Variants in PDCD11 observed in about 807,000 individuals in gnomAD.
The protein encoded by PDCD11 is protein RRP5 homolog.
Under a neutral mutation model 198.9 loss-of-function variants are expected in PDCD11, and 97 were observed. The observed-to-expected ratio is 0.49, with a 90% CI of 0.41 to 0.58. The LOEUF is 0.58. Ranked by LOEUF, PDCD11 falls within the 20% of genes least tolerant of loss-of-function variation. The probability of loss-of-function intolerance (pLI) is 0.00; values close to 1 mark genes in which losing one functional copy is unlikely to be tolerated. For synonymous variants in PDCD11, 893 were observed against 918.0 expected, an observed-to-expected ratio of 0.97 and a Z score of 0.49; for missense variants, 2,102 against 2,312.7, an observed-to-expected ratio of 0.91 and a Z score of 1.87.
At position 103,406,067 on chromosome 10, in the gene PDCD11, C is replaced by G; in HGVS notation, c.647C>G (p.Pro216Arg). ...IGVDGTRAFLPLLKAQEYIRQ... is the reference protein window; with the variant it reads ...IGVDGTRAFLRLLKAQEYIRQ... ...GTTGATGGGACCAGAGCTTTTCTGCCACTGCTGAAAGCCCAGGAGTACATC... is the reference window on the plus strand; with the variant it reads ...GTTGATGGGACCAGAGCTTTTCTGCGACTGCTGAAAGCCCAGGAGTACATC... Residue 216 changes from proline to arginine, a missense_variant, in exon 6 of 36, where the codon CCA becomes CGA. Physicochemically the swap from Pro to Arg is moderately radical, Grantham distance 103 (BLOSUM62 -2). Transcript: ENST00000369797. 6.2e-7 allele frequency: 1 copy of G among 1,614,122 alleles called. No individual in the cohort carries two copies.
chr10:103,428,857 T>TC (rs1259659693), intron 21 of PDCD11, among the ~76,000 whole-genome samples: 2 of 151,768 alleles, frequency 1.3e-5, no homozygotes, highest in African/African-American at 4.8e-5. Flanking sequence ...AGATGTAGAG[T>TC]TATAATAACA....
At chr10:103,399,373 T>C (rs1256995443) in intron 2 of PDCD11, among the ~76,000 whole-genome samples, 5 of 152,054 alleles carry the variant, frequency 3.3e-5, no homozygotes, top group Non-Finnish European at 5.9e-5. Flanking sequence ...TTTTTGTTGT[T>C]GTTTTTTCAA....
At position 103,424,986 on chromosome 10, in the gene PDCD11, G is replaced by A. The variant is rs770553508; in HGVS notation, c.2766G>A (p.Leu922=). ...ATGGTGGCTTTTCTCTCTTCTAGCTGAGGAAAGGCAGCGAACACCAGGCGA... is the reference window on the plus strand; with the variant it reads ...ATGGTGGCTTTTCTCTCTTCTAGCTAAGGAAAGGCAGCGAACACCAGGCGA... ...QDLVNRKARK[L]RKGSEHQAIV... is the part of the protein sequence containing the mutation. Residue 922 remains leucine, a splice_region_variant and synonymous_variant, in exon 20 of 36, where the codon CTG becomes CTA. Coordinates refer to ENST00000369797, the MANE Select transcript of PDCD11 (RefSeq NM_014976.2). The A allele has an allele frequency of 2.5e-6, 4 of 1,613,968 alleles. No individual in the cohort carries two copies. Among genetic ancestry groups the A allele is most frequent in the Non-Finnish European group, 3.4e-6 (4 of 1,179,842 alleles).
At chr10:103,411,620 G>A (rs568933591) in intron 8 of PDCD11, among the ~76,000 whole-genome samples, 2 of 152,084 alleles carry the variant, frequency 1.3e-5, no homozygotes, top group African/African-American at 2.4e-5. Flanking sequence ...TCCTGCCTAG[G>A]CCTCCTAAAG....
chr10:103,432,376 C>T (rs2031973108), intron 22 of PDCD11, 142 bp downstream of exon 22: 1 of 625,364 alleles, frequency 1.6e-6, no homozygotes, highest in Non-Finnish European at 2.9e-6. Flanking sequence ...AGTACGTGGC[C>T]TCTGCCACTA....
intron 11 of PDCD11, 73 bp from the exon 12 acceptor site, chr10:103,414,932 C>T: frequency 6.5e-7 from 1 of 1,543,312 alleles, no homozygotes; most frequent in Non-Finnish European, 8.9e-7. Flanking sequence ...GGAGGTATGA[C>T]ATGCCTTGTT....
chr10:103,397,659 C>T (rs2093444196), intron 1 of PDCD11, among the ~76,000 whole-genome samples: 1 of 152,244 alleles, frequency 6.6e-6, no homozygotes, highest in Non-Finnish European at 1.5e-5. Flanking sequence ...GTCTCGAACT[C>T]CTGACCTCAG....
chr10:103,425,139 A>C lies in PDCD11; in HGVS notation c.2919A>C (p.Gly973=), dbSNP rs1305416850. 1.9e-6 allele frequency: 3 copies of C among 1,614,068 alleles called. No individual in the cohort carries two copies. In the African/African-American group the frequency reaches 4.0e-5, roughly 22 times the overall value. The change falls in exon 20 of 36, where the codon GGA becomes GGC. Residue 973 remains glycine (G), a synonymous_variant. Coordinates refer to ENST00000369797, the MANE Select transcript of PDCD11 (RefSeq NM_014976.2). Reference sequence around the variant, plus strand: ...TTGACTCAGAGAAATTGCAGGTGGGACAGGGTGTCTCCCTAACCCTCAAGA... The same window carrying C: ...TTGACTCAGAGAAATTGCAGGTGGGCCAGGGTGTCTCCCTAACCCTCAAGA... The part of the protein sequence containing the change: ...FRFDSEKLQV[G]QGVSLTLKTT...
At chr10:103,411,365 A>T (rs1401585150) in intron 8 of PDCD11, among the ~76,000 whole-genome samples, 1 of 151,852 alleles carries the variant, frequency 6.6e-6, no homozygotes, top group Non-Finnish European at 1.5e-5. Context: ...TAGATAATTT[A>T]TTTATTTATT....
chr10:103,401,257 T>A (rs1815769252), intron 3 of PDCD11, among the ~76,000 whole-genome samples: 1 of 152,070 alleles, frequency 6.6e-6, no homozygotes, highest in Non-Finnish European at 1.5e-5. Flanking sequence ...TTTTTAATTT[T>A]GAAATTATTT....
At chr10:103,417,394 A>G (rs2031169936) in intron 13 of PDCD11, among the ~76,000 whole-genome samples, 1 of 151,902 alleles carries the variant, frequency 6.6e-6, no homozygotes, top group South Asian at 2.1e-4. Context: ...CTGGTCTCGA[A>G]CTCCCTGGCT....
At chr10:103,406,339 G>A (rs1162114583) in intron 6 of PDCD11, among the ~76,000 whole-genome samples, 1 of 152,182 alleles carries the variant, frequency 6.6e-6, no homozygotes, top group Non-Finnish European at 1.5e-5. Flanking sequence ...TTTCTAACCT[G>A]GAAGATTCCA....
intron 27 of PDCD11, among the ~76,000 whole-genome samples, chr10:103,439,031 A>G (rs1011350831): frequency 2.0e-5 from 3 of 152,162 alleles, no homozygotes; most frequent in African/African-American, 4.8e-5. Flanking sequence ...TGGCATTTCT[A>G]ATTTCTGTTC....
chr10:103,422,618 G>A (rs185508567), intron 17 of PDCD11, among the ~76,000 whole-genome samples: 34 of 152,102 alleles, frequency 2.2e-4, no homozygotes, highest in African/African-American at 7.2e-4. Context: ...CTTTGTGAGG[G>A]GTTATTATTC....
At chr10:103,440,931 C>A (rs1026804899) in intron 30 of PDCD11, 81 bp downstream of exon 30, 3 of 963,468 alleles carry the variant, frequency 3.1e-6, no homozygotes, top group Non-Finnish European at 3.1e-6. Flanking sequence ...TCCTCTTTTA[C>A]TTCATTTCCT....
chr10:103,444,060 G>C lies in PDCD11; in HGVS notation c.5270G>C (p.Ser1757Thr). 1 of 1,611,548 alleles carries C rather than the reference G, an allele frequency of 6.2e-7. No individual in the cohort carries two copies. Residue 1757 changes from serine to threonine, a missense_variant, in exon 34 of 36, where the codon AGC becomes ACC. By Grantham distance (58) the Ser-to-Thr change is moderately conservative (BLOSUM62 1). Transcript: ENST00000369797. Reference protein sequence around the residue: ...VLQRALECLPSKEHVDVIAKF... With the variant: ...VLQRALECLPTKEHVDVIAKF... ...CAGCGAGCCCTGGAGTGCCTGCCTA[G>C]CAAGGAGCGTGAGTGCTCATTCCCA...
chr10:103,404,660 A>C (rs996559914), intron 4 of PDCD11, among the ~76,000 whole-genome samples: 2 of 152,234 alleles, frequency 1.3e-5, no homozygotes, highest in African/African-American at 4.8e-5. Flanking sequence ...TGGATTTAAC[A>C]ATATGGAACT....
In PDCD11 at chr10:103,426,277, G is replaced by T. The variant is rs2031690302; in HGVS notation, c.3305+752G>T. 2.6e-5 allele frequency among the ~76,000 whole-genome samples: 4 copies of T among 152,082 alleles called. No homozygotes were observed. The South Asian group carries it at 8.3e-4, about 31-fold the overall frequency. On this transcript the variant is annotated intron_variant, in intron 20 of 35. Transcript: ENST00000369797. ...TATCCTCATTTACTTTAAATCTAGT[G>T]CCACATGTTACTGTAGCAGAAATTC...
In PDCD11 at chr10:103,440,562, G is replaced by T. The variant is rs761369588; in HGVS notation, c.4421G>T (p.Arg1474Leu). The T allele has an allele frequency of 6.2e-7, 1 of 1,611,134 alleles. No individual in the cohort carries two copies. The highest frequency in any genetic ancestry group is 2.2e-5 in the East Asian group (1 of 44,882). ...QAQKRGGRECRESGSEQERVS... is the reference protein window; with the variant it reads ...QAQKRGGRECLESGSEQERVS... ...CAGAAGCGGGGCGGGCGGGAGTGCC[G>T]GGAGTCTGGGAGTGAGCAGGTGAGG... is the stretch of plus-strand genomic sequence containing the variant. Residue 1474 changes from arginine (R) to leucine (L), a missense_variant, in exon 29 of 36, where the codon CGG becomes CTG. Physicochemically the swap from Arg to Leu is moderately radical, Grantham distance 102 (BLOSUM62 -2). Coordinates refer to ENST00000369797, the MANE Select transcript of PDCD11 (RefSeq NM_014976.2).
Sources: allele counts gnomAD v4.1 joint callset (sites outside exome capture counted in the v4.1 genomes callset), GRCh38; gene constraint gnomAD v4.1.1; transcripts MANE v1.5; gene names NCBI Gene and HGNC (gene_info 2026-07-23, HGNC 2026-07-21).